The following ATG7 variants were observed in gnomAD, a reference collection of about 807,000 sequenced individuals.
The protein encoded by ATG7 is autophagy related 7.
In ATG7, 70 loss-of-function variants were observed where a neutral mutation model predicts 82.4. The ratio of observed to expected loss-of-function variants is 0.85; its 90% CI spans 0.70 to 1.04. ATG7 has a LOEUF of 1.04. ATG7 is among the 50% of genes least tolerant of loss of function. The pLI is 0.00. For synonymous variants in ATG7, 287 were observed against 313.0 expected (o/e 0.92, Z 0.88); for missense variants, 792 against 864.3 (o/e 0.92, Z 1.05).
At chr3:11,454,552 G>T (rs1344905643) in intron 20 of ATG7, among the ~76,000 whole-genome samples, 1 of 152,138 alleles carries the variant, frequency 6.6e-6, no homozygotes, top group Non-Finnish European at 1.5e-5. Flanking sequence ...GATGGTCATG[G>T]TATTGTTCTC....
intron 10 of ATG7, 43 bp downstream of exon 10, chr3:11,331,471 C>T: frequency 7.0e-7 from 1 of 1,437,724 alleles, no homozygotes; most frequent in Non-Finnish European, 9.8e-7. Context: ...CTGCCTTTGC[C>T]AGTATATGTT....
At chr3:11,545,506 G>A (rs149346330) in intron 20 of ATG7, among the ~76,000 whole-genome samples, 1 of 152,210 alleles carries the variant, frequency 6.6e-6, no homozygotes, top group East Asian at 1.9e-4. Context: ...CTTCCTCTCT[G>A]CTCTTTCCTG....
At chr3:11,397,386 AT>A (rs11290535) in intron 19 of ATG7, among the ~76,000 whole-genome samples, 152,266 of 152,266 alleles carry the variant, frequency 1, 76,133 homozygotes, top group Non-Finnish European at 1. Flanking sequence ...ACCAGGTAGA[AT>A]TTCTAAATTT....
At chr3:11,513,193 C>T (rs2124825826) in intron 20 of ATG7, among the ~76,000 whole-genome samples, 1 of 152,370 alleles carries the variant, frequency 6.6e-6, no homozygotes, top group Middle Eastern at 3.4e-3. Context: ...CCCAGTGGAT[C>T]CCGCACCGGG....
chr3:11,438,120 A>G (rs1211203851), intron 20 of ATG7, among the ~76,000 whole-genome samples: 1 of 152,056 alleles, frequency 6.6e-6, no homozygotes, highest in African/African-American at 2.4e-5. Flanking sequence ...GGGAGACACA[A>G]TTACCCTATT....
intron 20 of ATG7, among the ~76,000 whole-genome samples, chr3:11,512,798 G>A (rs1052647179): frequency 3.9e-5 from 6 of 152,164 alleles, no homozygotes; most frequent in Admixed American, 2.0e-4. Flanking sequence ...TTGCTGGCTC[G>A]GGCAGCCTGC....
chr3:11,515,343 G>T lies in ATG7; in HGVS notation c.2080-39468G>T, dbSNP rs999283705. Reference sequence around the variant, plus strand: ...TTTTGAGACAGAGTCTCGCTCTGTTGCCTAGGCTGGAGTGCAGTGGCACGA... The same window carrying T: ...TTTTGAGACAGAGTCTCGCTCTGTTTCCTAGGCTGGAGTGCAGTGGCACGA... On this transcript the variant is annotated intron_variant, in intron 20 of 20. Coordinates refer to ENST00000693202, the MANE Select transcript of ATG7 (RefSeq NM_001349232.2). Among the ~76,000 whole-genome samples, 7 of 150,714 alleles carry T rather than the reference G, an allele frequency of 4.6e-5. No individual in the cohort carries two copies. The South Asian group carries it at 1.5e-3, about 32-fold the overall frequency.
At position 11,347,928 on chromosome 3, in the gene ATG7, T is replaced by A; in HGVS notation, c.1177T>A (p.Ser393Thr). ...TFVDNAKISY[S>T]NPVRQPLYEF... is the part of the protein sequence containing the mutation. ...TGTGGACAATGCCAAGATCTCCTAC[T>A]CCAATCCTGTGAGGCAGCCTCTCTA... The change falls in exon 14 of 21, where the codon TCC becomes ACC. Residue 393 changes from serine (S) to threonine (T), a missense_variant. Coordinates refer to ENST00000693202, the MANE Select transcript of ATG7 (RefSeq NM_001349232.2). 1.9e-6 allele frequency: 3 copies of A among 1,614,162 alleles called. No homozygotes were observed. The highest frequency in any genetic ancestry group is 2.7e-5 in the African/African-American group (2 of 75,032).
chr3:11,373,408 A>G (rs2077172254), intron 18 of ATG7, among the ~76,000 whole-genome samples: 1 of 152,170 alleles, frequency 6.6e-6, no homozygotes, highest in African/African-American at 2.4e-5. Flanking sequence ...GTACAGAGCA[A>G]ACCACGGGAG....
intron 20 of ATG7, chr3:11,477,225 T>C (rs1243999256): frequency 7.8e-7 from 1 of 1,286,528 alleles, no homozygotes; most frequent in African/African-American, 1.5e-5. Context: ...AATGGAATCT[T>C]TTATTCCTCG....
chr3:11,390,068 C>T (rs1276510055), intron 19 of ATG7, among the ~76,000 whole-genome samples: 1 of 152,202 alleles, frequency 6.6e-6, no homozygotes, highest in African/African-American at 2.4e-5. Context: ...GTGGTAATTA[C>T]TCATTGTTGT....
the ATG7 span, among the ~76,000 whole-genome samples, chr3:11,566,326 C>A: frequency 6.6e-6 from 1 of 151,250 alleles, no homozygotes; most frequent in Admixed American, 6.6e-5. Context: ...GCACCCTTTA[C>A]CTTGACTCCC....
At chr3:11,504,160 A>G (rs2091547024) in intron 20 of ATG7, among the ~76,000 whole-genome samples, 1 of 152,220 alleles carries the variant, frequency 6.6e-6, no homozygotes, top group Admixed American at 6.5e-5. Context: ...GAGGGGGAAA[A>G]AAGTTGATAT....
chr3:11,485,500 A>G (rs2089519533), intron 20 of ATG7, among the ~76,000 whole-genome samples: 2 of 151,808 alleles, frequency 1.3e-5, no homozygotes, highest in Admixed American at 6.6e-5. Flanking sequence ...TTGCCTGTTC[A>G]CTCTGATGGT....
At chr3:11,287,331 A>G (rs1270624974) in intron 3 of ATG7, among the ~76,000 whole-genome samples, 1 of 152,200 alleles carries the variant, frequency 6.6e-6, no homozygotes, top group African/African-American at 2.4e-5. Context: ...TTTCCTGAGC[A>G]GGTCACCTCT....
chr3:11,313,064 T>G (rs1260011958), intron 7 of ATG7, among the ~76,000 whole-genome samples: 1 of 152,236 alleles, frequency 6.6e-6, no homozygotes, highest in Non-Finnish European at 1.5e-5. Context: ...AAGTGGTCAA[T>G]AAAGTATATT....
chr3:11,322,483 A>G (rs1950338610), intron 9 of ATG7, among the ~76,000 whole-genome samples: 1 of 152,158 alleles, frequency 6.6e-6, no homozygotes, highest in Admixed American at 6.5e-5. Flanking sequence ...GTTTTCAGCT[A>G]TTCTTTTACA....
intron 7 of ATG7, 79 bp downstream of exon 7, chr3:11,309,140 C>A: frequency 7.6e-7 from 1 of 1,312,254 alleles, no homozygotes; most frequent in Non-Finnish European, 1.1e-6. Flanking sequence ...GAACAGTCTG[C>A]TCTTCTCTCC....
chr3:11,510,271 A>C, intron 20 of ATG7: 1 of 456,710 alleles, frequency 2.2e-6, no homozygotes, highest in East Asian at 7.0e-5. Context: ...CCTGTCCTGA[A>C]ATAGATCTCT....
Sources: gnomAD v4.1 joint callset for allele counts (sites outside exome capture counted in the v4.1 genomes callset) on GRCh38, gnomAD v4.1.1 for gene constraint, MANE v1.5 for transcripts, NCBI Gene and HGNC (gene_info 2026-07-23, HGNC 2026-07-21) for gene names.